CRYBB2: variants seen among roughly 807,000 people sequenced by gnomAD.
The protein encoded by CRYBB2 is crystallin beta B2.
Under a neutral mutation model 24.3 loss-of-function variants are expected in CRYBB2, and 12 were observed. That is an observed-to-expected ratio of 0.49 (90% CI 0.32 to 0.80). The LOEUF is 0.80. Ranked by LOEUF, CRYBB2 falls within the 30% of genes least tolerant of loss-of-function variation. The pLI, the probability that CRYBB2 is intolerant of heterozygous loss-of-function variation, is 0.04. For missense variants in CRYBB2, 198 were observed against 268.5 expected (o/e 0.74, Z 1.83); for synonymous variants, 98 against 101.6 (o/e 0.96, Z 0.21).
chr22:25,215,822 AG>A (rs1405817134), upstream of CRYBB2, among the ~76,000 whole-genome samples: 3 of 152,210 alleles, frequency 2.0e-5, no homozygotes, highest in Non-Finnish European at 4.4e-5. Flanking sequence ...TATCTGTATT[AG>A]GGGACATTAA....
At chr22:25,218,779 GAAGAAAGAAAGAA>G (rs1479441281), upstream of CRYBB2, among the ~76,000 whole-genome samples, 7 of 34,530 alleles carry the variant, frequency 2.0e-4, no homozygotes, top group East Asian at 1.0e-3. Flanking sequence ...GAGAGAGAGA[GAAGAAAGAAAGAA>G]AGAAAGAAAG....
chr22:25,224,401 T>C (rs1040265882), intron 2 of CRYBB2, among the ~76,000 whole-genome samples: 2 of 152,220 alleles, frequency 1.3e-5, no homozygotes, highest in African/African-American at 4.8e-5. Flanking sequence ...ATTTCTTAAT[T>C]AACATAATTA....
chr22:25,223,575 T>C (rs999304280), intron 2 of CRYBB2, among the ~76,000 whole-genome samples: 2 of 152,168 alleles, frequency 1.3e-5, no homozygotes, highest in Non-Finnish European at 2.9e-5. Context: ...GCCGAGTCAG[T>C]GACCGTAAAG....
chr22:25,228,050 C>A (rs1935453949), intron 4 of CRYBB2, 65 bp downstream of exon 4: 2 of 1,610,580 alleles, frequency 1.2e-6, no homozygotes, highest in Admixed American at 3.4e-5. Context: ...CTCTCTGCCA[C>A]CTTGGAGCTG....
chr22:25,227,952 G>C lies in CRYBB2; in HGVS notation c.273G>C (p.Thr91=). The change falls in exon 4 of 6, where the codon ACG becomes ACC. Residue 91 remains threonine (T), a synonymous_variant. Coordinates refer to ENST00000398215, the MANE Select transcript of CRYBB2 (RefSeq NM_000496.3). The stretch of plus-strand genomic sequence containing the variant: ...ACTCATGGACCAGCAGCCGAAGGAC[G>C]GACTCCCTCAGCTCCCTGAGGCCCA... ...RWDSWTSSRR[T]DSLSSLRPIK... 2.5e-6 allele frequency: 4 copies of C among 1,614,116 alleles called. No homozygotes were observed. The highest frequency in any genetic ancestry group is 3.4e-6 in the Non-Finnish European group (4 of 1,180,004).
intron 4 of CRYBB2, 68 bp downstream of exon 4, chr22:25,228,053 T>A: frequency 2.5e-6 from 4 of 1,609,036 alleles, no homozygotes; most frequent in Non-Finnish European, 3.4e-6. Context: ...TCTGCCACCT[T>A]GGAGCTGGAG....
intron 2 of CRYBB2, among the ~76,000 whole-genome samples, chr22:25,224,249 G>A (rs959865776): frequency 5.9e-5 from 9 of 152,114 alleles, no homozygotes; most frequent in African/African-American, 2.2e-4. Flanking sequence ...CCCTGATGGG[G>A]ATCCCATGAG....
rs761673136 is a variant in CRYBB2, at chr22:25,221,480, C to T, written c.51C>T (p.Pro17=). ...CGGGCAAGCCACAGTCCCTCAACCC[C>T]AAGGTGGGTACCTCTCAGAGGAGGG... ...TQAGKPQSLN[P]KIIIFEQENF... is the part of the protein sequence containing the mutation. Residue 17 remains proline (P), a synonymous_variant, in exon 2 of 6, where the codon CCC becomes CCT. Transcript: ENST00000398215. 3 of 1,612,122 alleles carry T rather than the reference C, an allele frequency of 1.9e-6. No homozygotes were observed. Among genetic ancestry groups the T allele is most frequent in the African/African-American group, 2.7e-5 (2 of 74,886 alleles).
intron 1 of CRYBB2, 82 bp from the exon 2 acceptor site, chr22:25,221,322 A>G: frequency 1.2e-6 from 1 of 837,736 alleles, no homozygotes; most frequent in Non-Finnish European, 2.1e-6. Context: ...TTGGGGCCAG[A>G]GGGGAGTGGT....
intron 2 of CRYBB2, 106 bp downstream of exon 2, chr22:25,221,589 C>G (rs1022999231): frequency 1.1e-5 from 9 of 797,406 alleles, no homozygotes; most frequent in Non-Finnish European, 1.9e-5. Context: ...CCCCTCTCGA[C>G]CCCTGCCCCT....
chr22:25,218,838 G>GAAAGAAAGAAAGAAAGAAAGAAAGAGAA, upstream of CRYBB2, among the ~76,000 whole-genome samples: 1 of 98,076 alleles, frequency 1.0e-5, no homozygotes, highest in Non-Finnish European at 2.0e-5. Context: ...AAGAAAGAAA[G>GAAAGAAAGAAAGAAAGAAAGAAAGAGAA]AGAAAGAAAG....
At chr22:25,218,834 GAA>G (rs1569016519), upstream of CRYBB2, among the ~76,000 whole-genome samples, 1 of 110,696 alleles carries the variant, frequency 9.0e-6, no homozygotes, top group African/African-American at 4.2e-5. Context: ...AAGAAAGAAA[GAA>G]AGAGAAAGAA....
chr22:25,221,337 A>G, intron 1 of CRYBB2, 67 bp from the exon 2 acceptor site: 1 of 953,106 alleles, frequency 1.0e-6, no homozygotes, highest in Non-Finnish European at 1.7e-6. Context: ...AGTGGTCTCA[A>G]GGCCCCACAG....
upstream of CRYBB2, among the ~76,000 whole-genome samples, chr22:25,212,336 T>C (rs1330466813): frequency 6.6e-6 from 1 of 152,156 alleles, no homozygotes; most frequent in African/African-American, 2.4e-5. Flanking sequence ...AGAGTCCAAG[T>C]GAAAGCCCTA....
chr22:25,218,008 C>G (rs1935199894), upstream of CRYBB2, among the ~76,000 whole-genome samples: 1 of 151,934 alleles, frequency 6.6e-6, no homozygotes, highest in Admixed American at 6.6e-5. Context: ...GCCTGTAATC[C>G]CAGCACTTTG....
Position 25,225,020 on chromosome 22 carries a change from C to T in CRYBB2, c.157C>T (p.Leu53=). Residue 53 remains leucine, a synonymous_variant, in exon 3 of 6, where the codon CTA becomes TTA. Coordinates refer to ENST00000398215, the MANE Select transcript of CRYBB2 (RefSeq NM_000496.3). ...TGGCGTGGAGAAGGCAGGTTCTGTC[C>T]TAGTGCAGGCTGGACCGTAAGTACC... is the stretch of plus-strand genomic sequence containing the variant. The part of the protein sequence containing the change: ...ETGVEKAGSV[L]VQAGPWVGYE... 1 of 1,601,954 alleles carries T rather than the reference C, an allele frequency of 6.2e-7. No homozygotes were observed. Among genetic ancestry groups the T allele is most frequent in the African/African-American group, 1.3e-5 (1 of 74,822 alleles).
intron 1 of CRYBB2, 135 bp from the exon 2 acceptor site, chr22:25,221,269 C>T: frequency 1.5e-6 from 1 of 682,878 alleles, no homozygotes; most frequent in South Asian, 1.5e-5. Context: ...TTACGGACCC[C>T]ACAGCTCTGG....
chr22:25,229,750 C>G (rs572413159), intron 5 of CRYBB2, among the ~76,000 whole-genome samples, 172 bp downstream of exon 5: 33 of 152,306 alleles, frequency 2.2e-4, no homozygotes, highest in African/African-American at 7.0e-4. Flanking sequence ...AGGTGGCTTA[C>G]AGCCGCTGAA....
At chr22:25,218,828 A>G (rs1299154199), upstream of CRYBB2, among the ~76,000 whole-genome samples, 66 of 116,878 alleles carry the variant, frequency 5.6e-4, no homozygotes, top group South Asian at 0.012. Context: ...GAAAGAAAGA[A>G]AGAAAGAAAG....
Sources: gnomAD v4.1 joint callset for allele counts (sites outside exome capture counted in the v4.1 genomes callset) on GRCh38, gnomAD v4.1.1 for gene constraint, MANE v1.5 for transcripts, NCBI Gene and HGNC (gene_info 2026-07-23, HGNC 2026-07-21) for gene names.